KCNQ2: variants seen among roughly 807,000 people sequenced by gnomAD.
The protein encoded by KCNQ2 is potassium voltage-gated channel subfamily Q member 2, also known as potassium voltage-gated channel subfamily KQT member 2.
KCNQ2 carries 14 observed loss-of-function variants against 84.8 expected under a neutral mutation model. The observed-to-expected ratio is 0.17, with a 90% CI of 0.11 to 0.26. The LOEUF (loss-of-function observed/expected upper bound fraction) is 0.26, where lower values mean the gene tolerates loss of function less well. KCNQ2 is among the 10% of genes least tolerant of loss of function. KCNQ2 has a pLI of 1.00. For synonymous variants in KCNQ2, 599 were observed against 554.1 expected, an observed-to-expected ratio of 1.08 and a Z score of -1.14; for missense variants, 788 against 1,254.0, an observed-to-expected ratio of 0.63 and a Z score of 5.61.
intron 15 of KCNQ2, chr20:63,411,106 A>AT: frequency 2.4e-6 from 1 of 424,566 alleles, no homozygotes; most frequent in Non-Finnish European, 4.7e-6. Flanking sequence ...AAAAACACTA[A>AT]TTAGGATGCT....
At chr20:63,423,938 T>A in intron 11 of KCNQ2, 23 of 431,586 alleles carry the variant, frequency 5.3e-5, no homozygotes, top group East Asian at 1.8e-4. Flanking sequence ...GCCGCCCAGC[T>A]GCCCGGATCC....
At chr20:63,441,333 C>T (rs1378764983) in intron 5 of KCNQ2, among the ~76,000 whole-genome samples, 1 of 151,674 alleles carries the variant, frequency 6.6e-6, no homozygotes, top group Non-Finnish European at 1.5e-5. Flanking sequence ...TCCCTATTTG[C>T]TATTTAAGAC....
At chr20:63,452,320 G>A (rs970216091) in intron 1 of KCNQ2, among the ~76,000 whole-genome samples, 4 of 152,256 alleles carry the variant, frequency 2.6e-5, no homozygotes, top group African/African-American at 9.6e-5. Context: ...CCTCTGAGCT[G>A]AGGGCAGCAG....
rs1601542678 is a variant in KCNQ2, at chr20:63,406,935, G to A, written c.2328C>T (p.Pro776=). The part of the protein sequence containing the change: ...LRQEDTPGCR[P]PEGNLRDSDT... ...CGCTGTCCCGCAGGTTCCCCTCGGG[G>A]GGCCTGCAGCCCGGGGTGTCCTCCT... Residue 776 remains proline, a synonymous_variant, in exon 17 of 17, where the codon CCC becomes CCT. Coordinates refer to ENST00000359125, the MANE Select transcript of KCNQ2 (RefSeq NM_172107.4). 4 of 1,598,842 alleles carry A rather than the reference G, an allele frequency of 2.5e-6. No homozygotes were observed. Among genetic ancestry groups the A allele is most frequent in the Non-Finnish European group, 3.4e-6 (4 of 1,175,452 alleles).
intron 1 of KCNQ2, among the ~76,000 whole-genome samples, chr20:63,461,902 G>A (rs1183934404): frequency 7.2e-6 from 1 of 139,002 alleles, no homozygotes; most frequent in Admixed American, 7.1e-5. Flanking sequence ...ACCTACCCCA[G>A]GGAGCAGGGA....
chr20:63,412,178 G>A, intron 15 of KCNQ2: 3 of 362,126 alleles, frequency 8.3e-6, no homozygotes, highest in Non-Finnish European at 1.0e-5. Flanking sequence ...GCAGGAGCCG[G>A]TACCAGACAG....
In KCNQ2 at chr20:63,462,880, GAAGT is replaced by G. The variant is rs574773781; in HGVS notation, c.296+9284_296+9287del. Among the ~76,000 whole-genome samples the G allele has an allele frequency of 2.4e-3, 363 of 152,310 alleles. 3 individuals carry two copies. The highest frequency in any genetic ancestry group is 8.2e-3 in the African/African-American group (340 of 41,562). On this transcript the variant is annotated intron_variant, in intron 1 of 16. Transcript: ENST00000359125. ...CGGAGTGACTCCACACATGTGAAAA[GAAGT>G]GAGTGAACACACACAGACACACACA...
intron 1 of KCNQ2, among the ~76,000 whole-genome samples, chr20:63,452,226 G>T (rs1411584408): frequency 6.6e-6 from 1 of 152,228 alleles, no homozygotes; most frequent in South Asian, 2.1e-4. Context: ...CATCTCTAGC[G>T]TGAGCCCAAG....
intron 8 of KCNQ2, chr20:63,433,406 C>G (rs535502058): frequency 2.8e-6 from 1 of 355,970 alleles, no homozygotes; most frequent in Admixed American, 4.6e-5. Flanking sequence ...TGATGGGGGA[C>G]GGGGTCATGG....
rs1013321077 is a variant in KCNQ2, at chr20:63,408,400, C to T, written c.1887+13G>A. ...CCTCCAGCCCCGCACCCCTCCCGCCCAGCCTCTCGCACCTGCTTCTCCACC... is the reference window on the plus strand; with the variant it reads ...CCTCCAGCCCCGCACCCCTCCCGCCTAGCCTCTCGCACCTGCTTCTCCACC... On this transcript the variant is annotated intron_variant, in intron 16 of 16. Coordinates refer to ENST00000359125, the MANE Select transcript of KCNQ2 (RefSeq NM_172107.4). The surrounding 1 kb of genome is among the most constrained non-coding windows in gnomAD (Gnocchi z 5.0). 3 of 1,606,476 alleles carry T rather than the reference C, an allele frequency of 1.9e-6. No individual in the cohort carries two copies. The highest frequency in any genetic ancestry group is 2.7e-5 in the African/African-American group (2 of 74,878).
chr20:63,424,374 C>T (rs916298917), intron 10 of KCNQ2, 168 bp from the exon 11 acceptor site: 10 of 758,168 alleles, frequency 1.3e-5, no homozygotes, highest in Admixed American at 2.4e-5. Flanking sequence ...AGAGAGCCCA[C>T]GGCCCCAGGA....
chr20:63,443,556 CCAT>C (rs2081328893), intron 4 of KCNQ2: 2 of 133,212 alleles, frequency 1.5e-5, no homozygotes, highest in Admixed American at 8.0e-5. Flanking sequence ...ACCATCATGA[CCAT>C]CACCACCACC....
At chr20:63,442,719 C>CCACCACCAT (rs1568933984) in intron 4 of KCNQ2, among the ~76,000 whole-genome samples, 188 bp from the exon 5 acceptor site, 1 of 38,396 alleles carries the variant, frequency 2.6e-5, no homozygotes, top group East Asian at 1.4e-3. Context: ...ACCACCACCA[C>CCACCACCAT]CACCATCATC....
chr20:63,450,904 G>A (rs935003379), intron 1 of KCNQ2, among the ~76,000 whole-genome samples: 3 of 152,100 alleles, frequency 2.0e-5, no homozygotes. Context: ...GGAGGAGGCC[G>A]AGGCGGGCAG....
At chr20:63,442,737 C>T (rs1452670456) in intron 4 of KCNQ2, among the ~76,000 whole-genome samples, 72 of 24,090 alleles carry the variant, frequency 3.0e-3, no homozygotes, top group East Asian at 5.1e-3. Context: ...ATCACCACCT[C>T]CACCATCACC....
intron 7 of KCNQ2, 75 bp from the exon 8 acceptor site, chr20:63,433,978 G>T: frequency 7.4e-7 from 1 of 1,353,354 alleles, no homozygotes; most frequent in Non-Finnish European, 1.1e-6. Context: ...GGGCGTGGAG[G>T]GAACGGGGCA....
chr20:63,409,983 G>C (rs1568868064), intron 15 of KCNQ2: 1 of 301,490 alleles, frequency 3.3e-6, no homozygotes, highest in Non-Finnish European at 6.5e-6. Flanking sequence ...GGAGGGGGGA[G>C]GGTGGGCCAG....
At chr20:63,472,078 C>T in intron 1 of KCNQ2, 90 bp downstream of exon 1, 3 of 1,014,384 alleles carry the variant, frequency 3.0e-6, no homozygotes, top group Non-Finnish European at 4.1e-6. Context: ...GGAGCCAAAC[C>T]CGCCGCAGCC....
In KCNQ2 at chr20:63,446,564, GC is replaced by G. The variant is rs758360087; in HGVS notation, c.387+182del. ...AGGGCTGAGTTACAGCCAGGGTGGGGCTGGGGCATAGCCCGGGCTGTGGGGC... is the reference window on the plus strand; with the variant it reads ...AGGGCTGAGTTACAGCCAGGGTGGGGTGGGGCATAGCCCGGGCTGTGGGGC... On this transcript the variant is annotated intron_variant, in intron 2 of 16. Transcript: ENST00000359125. This position sits in a 1 kb window ranked among gnomAD's most constrained non-coding sequence, Gnocchi z 5.5. Among the ~76,000 whole-genome samples the G allele has an allele frequency of 6.6e-5, 10 of 152,140 alleles. No homozygotes were observed. The highest frequency in any genetic ancestry group is 1.2e-4 in the Non-Finnish European group (8 of 68,012).
Sources: allele counts gnomAD v4.1 joint callset (sites outside exome capture counted in the v4.1 genomes callset), GRCh38; gene constraint gnomAD v4.1.1; non-coding constraint Gnocchi (gnomAD v3.1); transcripts MANE v1.5; gene names NCBI Gene and HGNC (gene_info 2026-07-23, HGNC 2026-07-21).